Variants in SEMA5A observed in about 807,000 individuals in gnomAD.
SEMA5A encodes the protein semaphorin 5A.
SEMA5A carries 55 observed loss-of-function variants against 135.5 expected under a neutral mutation model. The observed-to-expected ratio is 0.41, with a 90% CI of 0.33 to 0.51. The LOEUF (loss-of-function observed/expected upper bound fraction) is 0.51, where lower values mean the gene tolerates loss of function less well. SEMA5A is among the 20% of genes least tolerant of loss of function. The pLI is 0.37. For synonymous variants in SEMA5A, 580 were observed against 546.5 expected, an observed-to-expected ratio of 1.06 and a Z score of -0.85; for missense variants, 1,290 against 1,419.9, an observed-to-expected ratio of 0.91 and a Z score of 1.47.
intron 16 of SEMA5A, among the ~76,000 whole-genome samples, chr5:9,107,934 G>A (rs2150154607): frequency 1.3e-5 from 2 of 152,310 alleles, no homozygotes; most frequent in South Asian, 4.1e-4. Context: ...AGCATAAGGT[G>A]TTTGCAGAGC....
At chr5:9,322,235 C>A (rs114851589) in intron 4 of SEMA5A, among the ~76,000 whole-genome samples, 2 of 152,162 alleles carry the variant, frequency 1.3e-5, no homozygotes, top group African/African-American at 4.8e-5. Flanking sequence ...AGGTACCCCT[C>A]CTCTCCAGAA....
At chr5:9,542,687 A>C (rs1738158469) in intron 1 of SEMA5A, among the ~76,000 whole-genome samples, 1 of 152,238 alleles carries the variant, frequency 6.6e-6, no homozygotes, top group African/African-American at 2.4e-5. Context: ...TAATTTTAGA[A>C]TCAAGAATTA....
chr5:9,162,548 A>ATG, intron 11 of SEMA5A, among the ~76,000 whole-genome samples: 1 of 51,692 alleles, frequency 1.9e-5, no homozygotes, highest in Non-Finnish European at 4.7e-5. Context: ...ATGTGTGTAT[A>ATG]TATGTGTGTG....
In SEMA5A at chr5:9,048,069, G is replaced by A. The variant is rs553382709; in HGVS notation, c.2893+2341C>T. ...GCCTCAGGCTCTGCATGGCCTCCCT[G>A]AGAATGGGAACACTTATAAACTCTG... On this transcript the variant is annotated intron_variant, in intron 21 of 22. Coordinates refer to ENST00000382496, the MANE Select transcript of SEMA5A (RefSeq NM_003966.3). Among the ~76,000 whole-genome samples the A allele has an allele frequency of 4.6e-5, 7 of 152,232 alleles. No homozygotes were observed. In the South Asian group the frequency reaches 1.5e-3, roughly 32 times the overall value.
intron 1 of SEMA5A, among the ~76,000 whole-genome samples, chr5:9,451,533 T>A (rs959807952): frequency 6.6e-6 from 1 of 152,160 alleles, no homozygotes; most frequent in Non-Finnish European, 1.5e-5. Context: ...AAAAGTGGGG[T>A]GAAATGTTGG....
At chr5:9,206,445 T>C (rs962788823) in intron 8 of SEMA5A, among the ~76,000 whole-genome samples, 2 of 151,318 alleles carry the variant, frequency 1.3e-5, no homozygotes, top group South Asian at 4.3e-4. Context: ...ATATATGTAA[T>C]TACAAGTGAT....
rs173794 is a variant in SEMA5A at position 9,163,164 on chromosome 5, A to T, written c.1274-8469T>A. Among the ~76,000 whole-genome samples the T allele has an allele frequency of 7.2e-5, 11 of 151,954 alleles. No individual in the cohort carries two copies. In the East Asian group the frequency reaches 1.9e-3, roughly 27 times the overall value. On this transcript the variant is annotated intron_variant, in intron 11 of 22. Transcript: ENST00000382496. ...CTAAAGGATGCCAAGCCCAGGGCAG[A>T]TCAGACTTCTCTATCAGGCTTCAAG...
intron 5 of SEMA5A, among the ~76,000 whole-genome samples, chr5:9,270,559 C>T (rs370938746): frequency 2.0e-5 from 3 of 151,952 alleles, no homozygotes; most frequent in Non-Finnish European, 2.9e-5. Flanking sequence ...GTACTGAGAG[C>T]GGGGGAAAGT....
intron 19 of SEMA5A, among the ~76,000 whole-genome samples, chr5:9,052,575 C>T (rs1031181356): frequency 1.3e-5 from 2 of 152,056 alleles, no homozygotes; most frequent in Non-Finnish European, 2.9e-5. Flanking sequence ...AAAACAATTC[C>T]GCAGAGTCAA....
chr5:9,460,530 A>T (rs1759017168), intron 1 of SEMA5A, among the ~76,000 whole-genome samples: 1 of 152,166 alleles, frequency 6.6e-6, no homozygotes, highest in Admixed American at 6.5e-5. Context: ...CTACTATTAA[A>T]GATTAAAAAA....
intron 5 of SEMA5A, among the ~76,000 whole-genome samples, chr5:9,254,915 A>G (rs1748984225): frequency 6.6e-6 from 1 of 152,226 alleles, no homozygotes; most frequent in Non-Finnish European, 1.5e-5. Context: ...GCTGAATTCA[A>G]TAAGCTTGAA....
intron 2 of SEMA5A, among the ~76,000 whole-genome samples, chr5:9,430,209 T>TACAATGAA (rs1757809195): frequency 6.6e-6 from 1 of 152,208 alleles, no homozygotes; most frequent in Non-Finnish European, 1.5e-5. Context: ...AAGACTGGAC[T>TACAATGAA]TCCCATTAAT....
rs1170366856 is a variant in SEMA5A at position 9,042,696 on chromosome 5, C to T, written c.*201G>A. On this transcript the variant is annotated 3_prime_UTR_variant, in exon 23 of 23. Coordinates refer to ENST00000382496, the MANE Select transcript of SEMA5A (RefSeq NM_003966.3). Reference sequence around the variant, plus strand: ...ACACCCTGGCTCATTCAACAATGGTCAAGATTTTCACGATGTCTTATTTCA... The same window carrying T: ...ACACCCTGGCTCATTCAACAATGGTTAAGATTTTCACGATGTCTTATTTCA... 5.2e-6 allele frequency: 3 copies of T among 571,604 alleles called. No individual in the cohort carries two copies. Among genetic ancestry groups the T allele is most frequent in the African/African-American group, 3.8e-5 (2 of 52,348 alleles). The allele number at this position is 571,604 out of a possible 1,614,324, so 35.4% of individuals were successfully genotyped here. A position where few individuals can be genotyped will look rare whatever the true frequency, so the allele number is the denominator to read the frequency against.
At chr5:9,094,252 C>T (rs921051788) in intron 16 of SEMA5A, among the ~76,000 whole-genome samples, 23 of 152,140 alleles carry the variant, frequency 1.5e-4, no homozygotes, top group African/African-American at 4.8e-4. Context: ...TATAGTACCA[C>T]AGACATGAAT....
intron 1 of SEMA5A, among the ~76,000 whole-genome samples, chr5:9,501,595 A>T (rs933954849): frequency 2.0e-5 from 3 of 152,130 alleles, no homozygotes; most frequent in African/African-American, 7.2e-5. Context: ...TCCCCTACTC[A>T]AGAGAAGGAA....
At chr5:9,304,241 A>G (rs769149788) in intron 5 of SEMA5A, among the ~76,000 whole-genome samples, 1 of 152,134 alleles carries the variant, frequency 6.6e-6, no homozygotes, top group Non-Finnish European at 1.5e-5. Context: ...TAATCTTCAT[A>G]TAATTAACAC....
rs1031737685 is a variant in SEMA5A, at chr5:9,218,058, G to A, written c.646+6616C>T. ...CTGGGGTCTACTTGAGGGTAGAGGC[G>A]GGGAGGAGGGAGAAGAGAAGAAAAT... On this transcript the variant is annotated intron_variant, in intron 8 of 22. Coordinates refer to ENST00000382496, the MANE Select transcript of SEMA5A (RefSeq NM_003966.3). Among the ~76,000 whole-genome samples the A allele has an allele frequency of 1.5e-4, 23 of 152,188 alleles. No homozygotes were observed. In the South Asian group the frequency reaches 1.7e-3, roughly 11 times the overall value.
chr5:9,391,366 A>T (rs1180469732), intron 2 of SEMA5A, among the ~76,000 whole-genome samples: 1 of 152,158 alleles, frequency 6.6e-6, no homozygotes, highest in East Asian at 1.9e-4. Flanking sequence ...AATAACATTT[A>T]TCGGCTGGTG....
chr5:9,073,815 G>T (rs1737900802), intron 16 of SEMA5A, among the ~76,000 whole-genome samples: 2 of 152,112 alleles, frequency 1.3e-5, no homozygotes, highest in South Asian at 4.2e-4. Context: ...CCATGCACCA[G>T]CAACAAGCTA....
Sources: allele counts gnomAD v4.1 joint callset (sites outside exome capture counted in the v4.1 genomes callset), GRCh38; gene constraint gnomAD v4.1.1; transcripts MANE v1.5; gene names NCBI Gene and HGNC (gene_info 2026-07-23, HGNC 2026-07-21).